The following ZNF717 variants were observed in gnomAD, a reference collection of about 807,000 sequenced individuals.
The protein encoded by ZNF717 is zinc finger protein 717.
A neutral mutation model predicts 13.8 loss-of-function variants in ZNF717; 9 were observed. The observed-to-expected ratio is 0.65, with a 90% CI of 0.39 to 1.14. ZNF717 has a LOEUF of 1.14. Ranked by LOEUF, ZNF717 falls within the 50% of genes most tolerant of loss-of-function variation. ZNF717 has a pLI of 0.01. For missense variants in ZNF717, 1,040 were observed against 1,080.7 expected, an observed-to-expected ratio of 0.96 and a Z score of 0.53; for synonymous variants, 327 against 364.1, an observed-to-expected ratio of 0.90 and a Z score of 1.16.
At chr3:75,766,916 C>T (rs144352439) in intron 2 of ZNF717, among the ~76,000 whole-genome samples, 2 of 152,150 alleles carry the variant, frequency 1.3e-5, no homozygotes, top group African/African-American at 4.8e-5. Flanking sequence ...ACAAGGGGAA[C>T]TGGAATGTAT....
intron 6 of ZNF717, among the ~76,000 whole-genome samples, chr3:75,694,795 A>G (rs1937588097): frequency 6.6e-6 from 1 of 152,232 alleles, no homozygotes; most frequent in South Asian, 2.1e-4. Context: ...CATGTATTAT[A>G]TTGTTTTCAA....
chr3:75,744,795 T>C (rs79068685), intron 2 of ZNF717, among the ~76,000 whole-genome samples: 13 of 150,424 alleles, frequency 8.6e-5, no homozygotes, highest in African/African-American at 3.2e-4. Flanking sequence ...AGAGCACCCA[T>C]TTCTTAACAA....
chr3:75,712,516 T>C (rs1314242838), intron 5 of ZNF717, among the ~76,000 whole-genome samples: 1 of 148,922 alleles, frequency 6.7e-6, no homozygotes, highest in Non-Finnish European at 1.5e-5. Flanking sequence ...TGTAACCAAC[T>C]TGGTCACATG....
chr3:75,733,320 G>A (rs1247522031), downstream of ZNF717, among the ~76,000 whole-genome samples: 1 of 152,212 alleles, frequency 6.6e-6, no homozygotes, highest in Non-Finnish European at 1.5e-5. Context: ...CACTGTTAAT[G>A]TCAGACACCA....
Position 75,772,669 on chromosome 3 carries a change from C to T in ZNF717, c.57+10637G>A, listed in dbSNP as rs112128192. Among the ~76,000 whole-genome samples the T allele has an allele frequency of 1.7e-3, 257 of 151,026 alleles. 1 individual carries two copies. Among genetic ancestry groups the T allele is most frequent in the African/African-American group, 5.9e-3 (245 of 41,210 alleles). On this transcript the variant is annotated intron_variant, in intron 2 of 4. Transcript: ENST00000652011. ...GTGTGCAGTGGCCAGATCCCATGCTCGCTTGCTCACACACCCCTCACTGCT... is the reference window on the plus strand; with the variant it reads ...GTGTGCAGTGGCCAGATCCCATGCTTGCTTGCTCACACACCCCTCACTGCT...
intron 2 of ZNF717, among the ~76,000 whole-genome samples, chr3:75,759,193 A>C (rs1942757355): frequency 6.6e-6 from 1 of 152,146 alleles, no homozygotes; most frequent in African/African-American, 2.4e-5. Flanking sequence ...CCAAACCCAC[A>C]TATATCTCTG....
downstream of ZNF717, among the ~76,000 whole-genome samples, chr3:75,705,921 G>T (rs62247287): frequency 2.6e-5 from 4 of 152,412 alleles, no homozygotes; most frequent in East Asian, 5.8e-4. Flanking sequence ...TTTACCTGCT[G>T]CATGGTAGAA....
intron 4 of ZNF717, among the ~76,000 whole-genome samples, chr3:75,721,429 G>A (rs1183687613): frequency 1.3e-5 from 2 of 152,124 alleles, no homozygotes; most frequent in Non-Finnish European, 2.9e-5. Context: ...TTACAGGCGA[G>A]CGCCAGCACG....
chr3:75,710,676 C>T (rs1298445064), exon 6 of ZNF717: 1 of 152,150 alleles, frequency 6.6e-6, no homozygotes, highest in Admixed American at 6.6e-5. Flanking sequence ...ATACATCAGG[C>T]ACAAGTTTAT....
rs1938136143 is a variant in ZNF717 at position 75,719,968 on chromosome 3, A to G, written n.545-3427T>C. ...AGTGAAACTCCATCTCAAAATAATA[A>G]TAAATAATAATAATAATAATAATAA... is the stretch of plus-strand genomic sequence containing the variant. On this transcript the variant is annotated intron_variant and non_coding_transcript_variant, in intron 4 of 5. Coordinates refer to the ZNF717 transcript ENST00000491507. Among the ~76,000 whole-genome samples, 3 of 61,780 alleles carry G rather than the reference A, an allele frequency of 4.9e-5. No homozygotes were observed. In the South Asian group the frequency reaches 2.2e-3, roughly 46 times the overall value. 40.5% of individuals were successfully genotyped at this position (61,780 alleles called of 152,430 possible).
chr3:75,734,101 T>G (rs141174745), downstream of ZNF717, among the ~76,000 whole-genome samples: 2 of 147,728 alleles, frequency 1.4e-5, no homozygotes, highest in Admixed American at 1.4e-4. Flanking sequence ...ACAGAGTCTC[T>G]CTCTGTTGCC....
At chr3:75,709,997 G>A (rs1161943940) in exon 6 of ZNF717, 1 of 152,172 alleles carries the variant, frequency 6.6e-6, no homozygotes, top group African/African-American at 2.4e-5. Flanking sequence ...GGAGCAACAA[G>A]GGAAATTTGA....
Position 75,695,813 on chromosome 3 carries a change from T to C in ZNF717, n.1085+15374A>G, listed in dbSNP as rs1413747933. ...ACAGCATAGCAAAACCTATGGAATA[T>C]AGTAAAAGAGGTACTATTATAAAAG... On this transcript the variant is annotated intron_variant and non_coding_transcript_variant, in intron 6 of 6. Coordinates refer to the ZNF717 transcript ENST00000648506. Among the ~76,000 whole-genome samples, 5 of 152,296 alleles carry C rather than the reference T, an allele frequency of 3.3e-5. No individual in the cohort carries two copies. In the East Asian group the frequency reaches 7.7e-4, roughly 23 times the overall value.
downstream of ZNF717, among the ~76,000 whole-genome samples, chr3:75,732,367 T>C (rs1239713665): frequency 6.6e-6 from 1 of 152,262 alleles, no homozygotes; most frequent in East Asian, 1.9e-4. Flanking sequence ...ACTTAAACAA[T>C]GAGGCCCAGT....
intron 2 of ZNF717, among the ~76,000 whole-genome samples, chr3:75,781,495 A>G (rs1009198566): frequency 6.6e-6 from 1 of 152,214 alleles, no homozygotes; most frequent in Admixed American, 6.5e-5. Context: ...AAGAATTTCC[A>G]GATCATGAAC....
chr3:75,784,552 GTATTT>G (rs1426421013), intron 1 of ZNF717, among the ~76,000 whole-genome samples: 2 of 152,160 alleles, frequency 1.3e-5, no homozygotes, highest in African/African-American at 2.4e-5. Context: ...TGTTTGGAGA[GTATTT>G]TAATCTTCTC....
chr3:75,704,724 G>C (rs1837276), downstream of ZNF717, among the ~76,000 whole-genome samples: 119,096 of 152,008 alleles, frequency 0.78, 43,092 homozygotes, highest in Non-Finnish European at 0.82. Context: ...TCTCTGCTCA[G>C]CGCCTCAGTT....
Position 75,739,352 on chromosome 3 carries a change from T to C in ZNF717, c.278-7A>G, listed in dbSNP as rs17028803. The C allele has an allele frequency of 2.5e-3, 3,656 of 1,444,956 alleles. 80 individuals are homozygous for C. In the East Asian group the frequency reaches 0.078, roughly 31 times the overall value. The allele number at this position is 1,444,956 out of a possible 1,614,324, so 89.5% of individuals were successfully genotyped here. A position where few individuals can be genotyped will look rare whatever the true frequency, so the allele number is the denominator to read the frequency against. On this transcript the variant is annotated splice_region_variant and splice_polypyrimidine_tract_variant and intron_variant, in intron 4 of 4. Transcript: ENST00000652011. Reference sequence around the variant, plus strand: ...TCATCAATGATCTGGACAGCTGAAATGAGAAAAAAGGTATCCATGAACCAC... The same window carrying C: ...TCATCAATGATCTGGACAGCTGAAACGAGAAAAAAGGTATCCATGAACCAC...
intron 5 of ZNF717, among the ~76,000 whole-genome samples, chr3:75,714,505 A>C (rs1287153478): frequency 2.0e-5 from 3 of 151,970 alleles, no homozygotes; most frequent in African/African-American, 7.3e-5. Flanking sequence ...GATTAATGAT[A>C]TTCATTTATA....
Sources: gnomAD v4.1 joint callset for allele counts (sites outside exome capture counted in the v4.1 genomes callset) on GRCh38, gnomAD v4.1.1 for gene constraint, MANE v1.5 for transcripts, NCBI Gene and HGNC (gene_info 2026-07-23, HGNC 2026-07-21) for gene names.